CCND3: variants seen among roughly 807,000 people sequenced by gnomAD.
CCND3 encodes the protein cyclin D3.
In CCND3, 9 loss-of-function variants were observed where a neutral mutation model predicts 28.7. That is an observed-to-expected ratio of 0.31 (90% CI 0.19 to 0.55). The LOEUF (loss-of-function observed/expected upper bound fraction) is 0.55. Among genes scored for constraint, CCND3 ranks in the 20% least tolerant of loss-of-function variants. CCND3 has a pLI of 0.93. For missense variants in CCND3, 315 were observed against 385.8 expected (o/e 0.82, Z 1.54); for synonymous variants, 164 against 163.9 (o/e 1.00, Z 0.00).
At chr6:41,948,047 C>G (rs1050572749) in intron 1 of CCND3, among the ~76,000 whole-genome samples, 4 of 152,162 alleles carry the variant, frequency 2.6e-5, no homozygotes, top group African/African-American at 9.7e-5. Context: ...CTGGAATGTT[C>G]TGCCTCCGGA....
At chr6:42,020,641 C>T (rs573184689) in intron 1 of CCND3, among the ~76,000 whole-genome samples, 8 of 152,234 alleles carry the variant, frequency 5.3e-5, no homozygotes, top group Non-Finnish European at 1.0e-4. Context: ...TCCGGGAAGC[C>T]TTCCCCTCAC....
chr6:42,031,936 C>T (rs372662500), intron 1 of CCND3, among the ~76,000 whole-genome samples: 33 of 151,680 alleles, frequency 2.2e-4, no homozygotes, highest in African/African-American at 6.5e-4. Flanking sequence ...ATTACAGGCA[C>T]GCATCATCAC....
intron 1 of CCND3, among the ~76,000 whole-genome samples, chr6:42,039,918 CG>C (rs1430729674): frequency 2.6e-5 from 4 of 152,302 alleles, no homozygotes; most frequent in African/African-American, 4.8e-5. Flanking sequence ...TGGGCTTGCC[CG>C]GGGGGATTCG....
intron 1 of CCND3, among the ~76,000 whole-genome samples, chr6:41,988,105 C>T (rs936697706): frequency 6.6e-6 from 1 of 151,836 alleles, no homozygotes; most frequent in East Asian, 1.9e-4. Context: ...CACCTGAGGT[C>T]AGGAGTTCGA....
At chr6:42,013,909 G>A (rs1763412175) in intron 1 of CCND3, among the ~76,000 whole-genome samples, 1 of 150,852 alleles carries the variant, frequency 6.6e-6, no homozygotes, top group Non-Finnish European at 1.5e-5. Flanking sequence ...CCATTTCCAC[G>A]AAAGATACAA....
intron 1 of CCND3, among the ~76,000 whole-genome samples, chr6:42,005,806 C>T (rs1446731093): frequency 6.6e-6 from 1 of 151,966 alleles, no homozygotes; most frequent in Non-Finnish European, 1.5e-5. Context: ...GCCTCAGCCT[C>T]GCAAGCAGCT....
chr6:41,948,845 CAAA>C (rs112279157), intron 1 of CCND3, among the ~76,000 whole-genome samples: 4 of 95,460 alleles, frequency 4.2e-5, no homozygotes. Context: ...GACTCCATCT[CAAA>C]AAAAAAAAAA....
rs758582662 is a variant in CCND3 at position 41,988,699 on chromosome 6, CTT to C, written c.-45-48116_-45-48115del. ...ATAATTGATAAGCTGAACTTCTTTT[CTT>C]TTTTTTTTTTTTTTTGAGACGGAGT... is the stretch of plus-strand genomic sequence containing the variant. On this transcript the variant is annotated intron_variant, in intron 1 of 4. Transcript: ENST00000372988. 4.9e-3 allele frequency among the ~76,000 whole-genome samples: 472 copies of C among 96,684 alleles called. 4 individuals are homozygous for C. Among genetic ancestry groups the C allele is most frequent in the African/African-American group, 0.015 (455 of 29,768 alleles). 63.4% of individuals were successfully genotyped at this position (96,684 alleles called of 152,430 possible).
At chr6:42,003,878 G>T (rs1763095157) in intron 1 of CCND3, among the ~76,000 whole-genome samples, 1 of 148,870 alleles carries the variant, frequency 6.7e-6, no homozygotes, top group Non-Finnish European at 1.5e-5. Context: ...GGAGGTTGAG[G>T]CTGTAGTAAA....
upstream of CCND3, among the ~76,000 whole-genome samples, chr6:41,942,508 A>C (rs762982086): frequency 2.8e-4 from 43 of 152,062 alleles, no homozygotes; most frequent in Admixed American, 1.3e-3. Flanking sequence ...GTCAGCATAT[A>C]ACAGAACGGA....
chr6:41,965,749 C>T (rs1382860166), intron 1 of CCND3, among the ~76,000 whole-genome samples: 1 of 152,150 alleles, frequency 6.6e-6, no homozygotes, highest in African/African-American at 2.4e-5. Context: ...CTGGCCCAAG[C>T]GCCCTCCCAC....
Position 41,936,451 on chromosome 6 carries a change from C to T in CCND3, c.711+108G>A, listed in dbSNP as rs1397478550. 15 of 1,343,454 alleles carry T rather than the reference C, an allele frequency of 1.1e-5. No individual in the cohort carries two copies. The highest frequency in any genetic ancestry group is 1.5e-5 in the Non-Finnish European group (15 of 968,088). The allele number at this position is 1,343,454 out of a possible 1,614,324, so 83.2% of individuals were successfully genotyped here. A position where few individuals can be genotyped will look rare whatever the true frequency, so the allele number is the denominator to read the frequency against. ...GCCACAAAGCCCCAAGGTTGTGAAA[C>T]CAGGACTTGGGACCAGGTTGGGGTT... On this transcript the variant is annotated intron_variant, in intron 4 of 4. Coordinates refer to ENST00000372991, the MANE Select transcript of CCND3 (RefSeq NM_001760.5). The surrounding 1 kb of genome is among the most constrained non-coding windows in gnomAD (Gnocchi z 4.4).
At position 41,936,272 on chromosome 6, in the gene CCND3, T is replaced by TG; in HGVS notation, c.712-166dup. ...GTTCTCAGAAACTAGCAAGAGGATGTGGCAAGGGAGTGTGAGAGCAGCCCT... is the reference window on the plus strand; with the variant it reads ...GTTCTCAGAAACTAGCAAGAGGATGTGGGCAAGGGAGTGTGAGAGCAGCCCT... On this transcript the variant is annotated intron_variant, in intron 4 of 4. Coordinates refer to ENST00000372991, the MANE Select transcript of CCND3 (RefSeq NM_001760.5). This position sits in a 1 kb window ranked among gnomAD's most constrained non-coding sequence, Gnocchi z 4.4. The TG allele has an allele frequency of 1.3e-6, 1 of 773,590 alleles. No homozygotes were observed. Among genetic ancestry groups the TG allele is most frequent in the Non-Finnish European group, 2.0e-6 (1 of 496,440 alleles). The allele number at this position is 773,590 out of a possible 1,614,324, so 47.9% of individuals were successfully genotyped here.
At chr6:42,015,252 A>G (rs924087470) in intron 1 of CCND3, among the ~76,000 whole-genome samples, 3 of 152,130 alleles carry the variant, frequency 2.0e-5, no homozygotes, top group East Asian at 3.8e-4. Flanking sequence ...ATGTAAACTC[A>G]AAGTAGCGCC....
At chr6:41,973,341 A>T (rs1271696613) in intron 1 of CCND3, among the ~76,000 whole-genome samples, 2 of 152,162 alleles carry the variant, frequency 1.3e-5, no homozygotes, top group Non-Finnish European at 2.9e-5. Flanking sequence ...GCCAAACAAC[A>T]TTCCTGCCAT....
chr6:41,953,986 C>T (rs1225932923), intron 1 of CCND3, among the ~76,000 whole-genome samples: 1 of 151,902 alleles, frequency 6.6e-6, no homozygotes, highest in African/African-American at 2.4e-5. Flanking sequence ...GGCAGTGGCT[C>T]ACGCCTTTAA....
At chr6:41,968,532 A>G (rs1761949747) in intron 1 of CCND3, among the ~76,000 whole-genome samples, 1 of 152,110 alleles carries the variant, frequency 6.6e-6, no homozygotes, top group Non-Finnish European at 1.5e-5. Context: ...CCAAGCTATG[A>G]TTACACCATG....
Position 41,935,624 on chromosome 6 carries a change from G to GA in CCND3, c.*315_*316insT, listed in dbSNP as rs879041589. 35 of 470,034 alleles carry GA rather than the reference G, an allele frequency of 7.4e-5. No individual in the cohort carries two copies. The highest frequency in any genetic ancestry group is 5.9e-4 in the South Asian group (12 of 20,478). The allele number at this position is 470,034 out of a possible 1,614,324, so 29.1% of individuals were successfully genotyped here. A position where few individuals can be genotyped will look rare whatever the true frequency, so the allele number is the denominator to read the frequency against. On this transcript the variant is annotated 3_prime_UTR_variant, in exon 5 of 5. Transcript: ENST00000372991. ...CATGAGAGCCCCCAGGGGTGGGGGG[G>GA]GGCGTTCAAAAGGAATGCTGGTGTA...
upstream of CCND3, among the ~76,000 whole-genome samples, chr6:41,946,556 G>A (rs910617497): frequency 2.6e-5 from 3 of 115,010 alleles, no homozygotes; most frequent in Admixed American, 4.0e-4. Flanking sequence ...AGCCCAGATC[G>A]CACTACTGCA....
Sources: gnomAD v4.1 joint callset for allele counts (sites outside exome capture counted in the v4.1 genomes callset) on GRCh38, gnomAD v4.1.1 for gene constraint, Gnocchi (gnomAD v3.1) non-coding constraint, MANE v1.5 for transcripts, NCBI Gene and HGNC (gene_info 2026-07-23, HGNC 2026-07-21) for gene names.